Variants in ZNF407 observed in about 807,000 individuals in gnomAD.
ZNF407 encodes the protein zinc finger protein 407.
Under a neutral mutation model 131.2 loss-of-function variants are expected in ZNF407, and 17 were observed. That is an observed-to-expected ratio of 0.13 (90% CI 0.09 to 0.19). ZNF407 has a LOEUF of 0.19. ZNF407 is among the 10% of genes least tolerant of loss of function. The pLI is 1.00. For missense variants in ZNF407, 2,681 were observed against 2,830.6 expected (o/e 0.95, Z 1.20); for synonymous variants, 1,156 against 1,062.0 (o/e 1.09, Z -1.72).
chr18:74,992,271 AAAG>A (rs1972727573), intron 8 of ZNF407, among the ~76,000 whole-genome samples: 2 of 152,226 alleles, frequency 1.3e-5, no homozygotes, highest in Non-Finnish European at 2.9e-5. Flanking sequence ...AAAGTACTAT[AAAG>A]AAAAGACAGT....
In ZNF407 at chr18:74,775,893, C is replaced by A. The variant is rs185427563; in HGVS notation, c.4803-5535C>A. On this transcript the variant is annotated intron_variant, in intron 3 of 8. Coordinates refer to ENST00000299687, the MANE Select transcript of ZNF407 (RefSeq NM_017757.3). ...AGAGAGAGAGGGCGGATGTTTTACA[C>A]ACTTTTAAACCACCAGATCTTGCGA... is the stretch of plus-strand genomic sequence containing the variant. 2.4e-3 allele frequency among the ~76,000 whole-genome samples: 353 copies of A among 146,566 alleles called. 3 individuals are homozygous for A. Among genetic ancestry groups the A allele is most frequent in the African/African-American group, 8.2e-3 (337 of 40,922 alleles).
chr18:74,803,868 C>A (rs143606393), intron 4 of ZNF407: 1 of 1,323,280 alleles, frequency 7.6e-7, no homozygotes, highest in Non-Finnish European at 1.0e-6. Context: ...TCAAAAAGGT[C>A]AGGAATGACG....
chr18:74,808,158 C>T (rs1434321244), intron 4 of ZNF407, among the ~76,000 whole-genome samples: 2 of 152,140 alleles, frequency 1.3e-5, no homozygotes, highest in East Asian at 3.9e-4. Context: ...GGATTACATA[C>T]ATGTGCCACC....
intron 8 of ZNF407, among the ~76,000 whole-genome samples, chr18:74,985,101 T>G (rs759437593): frequency 6.6e-6 from 1 of 152,212 alleles, no homozygotes; most frequent in Non-Finnish European, 1.5e-5. Flanking sequence ...CAGTTCTGAT[T>G]AGTGCATCCT....
intron 3 of ZNF407, among the ~76,000 whole-genome samples, chr18:74,727,974 G>A (rs1374602079): frequency 6.6e-6 from 1 of 152,164 alleles, no homozygotes; most frequent in Non-Finnish European, 1.5e-5. Context: ...GTGTGCTGGG[G>A]AGAAGGAGAG....
intron 1 of ZNF407, among the ~76,000 whole-genome samples, chr18:74,618,554 A>G (rs1983405465): frequency 6.6e-6 from 1 of 152,200 alleles, no homozygotes; most frequent in Non-Finnish European, 1.5e-5. Context: ...CCTCAATCAT[A>G]AATGTATTTC....
chr18:74,689,558 T>TA (rs2144795244), intron 3 of ZNF407, among the ~76,000 whole-genome samples: 1 of 152,368 alleles, frequency 6.6e-6, no homozygotes. Context: ...ATGCTTTATA[T>TA]ACTCACCATT....
chr18:74,767,820 A>ATTTTTTTTTTTTTTTT, intron 3 of ZNF407, among the ~76,000 whole-genome samples: 1 of 114,102 alleles, frequency 8.8e-6, no homozygotes, highest in African/African-American at 3.4e-5. Flanking sequence ...CGCCTGGCTA[A>ATTTTTTTTTTTTTTTT]TTTTTTTTTT....
chr18:74,925,801 A>T (rs1971905602), intron 8 of ZNF407, among the ~76,000 whole-genome samples: 1 of 152,178 alleles, frequency 6.6e-6, no homozygotes. Context: ...TCCTGACATG[A>T]TTGCCTTTGG....
chr18:74,976,472 G>A (rs1972530078), intron 8 of ZNF407, among the ~76,000 whole-genome samples: 1 of 152,200 alleles, frequency 6.6e-6, no homozygotes, highest in South Asian at 2.1e-4. Flanking sequence ...ATTCAATAGA[G>A]CTGGGCCCTG....
At chr18:74,995,729 A>T (rs1972773164) in intron 8 of ZNF407, among the ~76,000 whole-genome samples, 2 of 152,188 alleles carry the variant, frequency 1.3e-5, no homozygotes, top group South Asian at 4.1e-4. Context: ...TTTTCTGGGC[A>T]GTTCATTCGG....
At chr18:74,604,831 C>T (rs528688077) in intron 1 of ZNF407, among the ~76,000 whole-genome samples, 1 of 152,292 alleles carries the variant, frequency 6.6e-6, no homozygotes, top group South Asian at 2.1e-4. Flanking sequence ...TTATGGGACA[C>T]TCACCATGTG....
In ZNF407 at chr18:75,063,499, C is replaced by G; in HGVS notation, c.5778C>G (p.Pro1926=). ...QSGAHVGSVV[P]GPILPEQLAD... ...GGGCACATGTAGGCAGCGTGGTGCCCGGACCCATCCTCCCCGAGCAGCTGG... is the reference window on the plus strand; with the variant it reads ...GGGCACATGTAGGCAGCGTGGTGCCGGGACCCATCCTCCCCGAGCAGCTGG... The change falls in exon 9 of 9, where the codon CCC becomes CCG. Residue 1926 remains proline, a synonymous_variant. Coordinates refer to ENST00000299687, the MANE Select transcript of ZNF407 (RefSeq NM_017757.3). The surrounding 1 kb of genome is among the most constrained non-coding windows in gnomAD (Gnocchi z 6.6). The G allele has an allele frequency of 1.3e-6, 2 of 1,591,634 alleles. No homozygotes were observed. The highest frequency in any genetic ancestry group is 8.5e-7 in the Non-Finnish European group (1 of 1,170,762).
At chr18:74,918,638 C>G (rs1231538527) in intron 7 of ZNF407, among the ~76,000 whole-genome samples, 11 of 152,042 alleles carry the variant, frequency 7.2e-5, no homozygotes, top group Non-Finnish European at 2.9e-5. Context: ...AATGTAACAC[C>G]CAGATTGACA....
chr18:74,822,151 G>A (rs1970349694), intron 4 of ZNF407, among the ~76,000 whole-genome samples: 2 of 152,076 alleles, frequency 1.3e-5, no homozygotes, highest in Non-Finnish European at 2.9e-5. Flanking sequence ...GTTCTTTGTA[G>A]ATTCTGGATA....
chr18:74,605,279 G>A lies in ZNF407; in HGVS notation c.-54+7342G>A, dbSNP rs115851450. Among the ~76,000 whole-genome samples, 915 of 152,328 alleles carry A rather than the reference G, an allele frequency of 6.0e-3. 7 individuals are homozygous for A. Among genetic ancestry groups the A allele is most frequent in the African/African-American group, 0.021 (874 of 41,570 alleles). On this transcript the variant is annotated intron_variant, in intron 1 of 8. Coordinates refer to ENST00000299687, the MANE Select transcript of ZNF407 (RefSeq NM_017757.3). ...TAATCTTATAAGGACTGGGAAGCAT[G>A]GGCCTTGCATCTGCTGTCTGCAGCT... is the stretch of plus-strand genomic sequence containing the variant.
intron 4 of ZNF407, among the ~76,000 whole-genome samples, chr18:74,787,764 T>C (rs3850133): frequency 0.93 from 141,942 of 152,322 alleles, 66,900 homozygotes; most frequent in East Asian, 1. Context: ...CTTTTCTTCA[T>C]TGACTTGTTT....
chr18:74,708,096 T>G (rs1409638971), intron 3 of ZNF407, among the ~76,000 whole-genome samples: 1 of 152,140 alleles, frequency 6.6e-6, no homozygotes, highest in Non-Finnish European at 1.5e-5. Context: ...GCAGTTAGGA[T>G]TTCATCATGG....
intron 3 of ZNF407, 135 bp downstream of exon 3, chr18:74,641,257 G>C (rs974124240): frequency 2.7e-5 from 17 of 637,254 alleles, no homozygotes; most frequent in Non-Finnish European, 4.3e-5. Context: ...CATTGTTATG[G>C]TAAATTCCTT....
Sources: allele counts gnomAD v4.1 joint callset (sites outside exome capture counted in the v4.1 genomes callset), GRCh38; gene constraint gnomAD v4.1.1; non-coding constraint Gnocchi (gnomAD v3.1); transcripts MANE v1.5; gene names NCBI Gene and HGNC (gene_info 2026-07-23, HGNC 2026-07-21).